Variants in SYT14 observed in about 807,000 individuals in gnomAD.
SYT14 encodes synaptotagmin 14, also known as synaptotagmin-14.
SYT14 carries 32 observed loss-of-function variants against 74.2 expected under a neutral mutation model. The ratio of observed to expected loss-of-function variants is 0.43; its 90% CI spans 0.33 to 0.58. The LOEUF is 0.58. SYT14 is among the 20% of genes least tolerant of loss of function. SYT14 has a pLI of 0.05. For missense variants in SYT14, 791 were observed against 981.8 expected, an observed-to-expected ratio of 0.81 and a Z score of 2.60; for synonymous variants, 298 against 337.7, an observed-to-expected ratio of 0.88 and a Z score of 1.29.
intron 5 of SYT14, among the ~76,000 whole-genome samples, chr1:210,079,059 A>G (rs140948859): frequency 4.6e-4 from 70 of 152,090 alleles, no homozygotes; most frequent in African/African-American, 1.5e-3. Context: ...AGCATGTATG[A>G]ATCCTTTAAA....
chr1:210,130,815 A>T (rs564932442), intron 7 of SYT14, among the ~76,000 whole-genome samples: 19 of 152,372 alleles, frequency 1.2e-4, no homozygotes, highest in African/African-American at 4.6e-4. Context: ...ATCATATGTA[A>T]TAACTCAGGT....
intron 7 of SYT14, among the ~76,000 whole-genome samples, chr1:210,120,890 A>G (rs1052595925): frequency 6.6e-6 from 1 of 152,226 alleles, no homozygotes; most frequent in African/African-American, 2.4e-5. Flanking sequence ...TTTTTATACC[A>G]GCTCATTTGT....
intron 7 of SYT14, among the ~76,000 whole-genome samples, chr1:210,120,885 A>T (rs1394676974): frequency 1.3e-5 from 2 of 152,224 alleles, no homozygotes; most frequent in Non-Finnish European, 2.9e-5. Flanking sequence ...AAAAATTTTT[A>T]TACCAGCTCA....
intron 5 of SYT14, among the ~76,000 whole-genome samples, chr1:210,026,290 A>G (rs905113066): frequency 3.3e-5 from 5 of 151,974 alleles, no homozygotes; most frequent in Non-Finnish European, 5.9e-5. Context: ...TGGTTCGTGG[A>G]TATCCCATTT....
At chr1:210,060,375 A>G (rs1478823038) in intron 5 of SYT14, among the ~76,000 whole-genome samples, 1 of 127,340 alleles carries the variant, frequency 7.9e-6, no homozygotes, top group East Asian at 2.3e-4. Context: ...ATAATATGTA[A>G]AGTTAACTTC....
intron 7 of SYT14, among the ~76,000 whole-genome samples, chr1:210,127,662 A>T (rs2082594120): frequency 6.6e-6 from 1 of 152,188 alleles, no homozygotes; most frequent in Non-Finnish European, 1.5e-5. Context: ...GGATGAATGT[A>T]CCTAAAATGA....
intron 5 of SYT14, among the ~76,000 whole-genome samples, chr1:210,052,664 C>T (rs1173036620): frequency 3.4e-5 from 1 of 29,152 alleles, no homozygotes; most frequent in African/African-American, 6.1e-4. Flanking sequence ...CTACATCTCA[C>T]CAAAAAAAAA....
At chr1:210,073,510 C>T (rs1182178195) in intron 5 of SYT14, among the ~76,000 whole-genome samples, 2 of 151,988 alleles carry the variant, frequency 1.3e-5, no homozygotes, top group Non-Finnish European at 2.9e-5. Context: ...AGTGAAACTT[C>T]CTTATTGTTT....
chr1:209,963,383 CT>C (rs2079106820), intron 2 of SYT14, among the ~76,000 whole-genome samples: 1 of 152,066 alleles, frequency 6.6e-6, no homozygotes, highest in Admixed American at 6.6e-5. Context: ...CTCCTAAGGT[CT>C]TTTCCATTGG....
intron 7 of SYT14, among the ~76,000 whole-genome samples, chr1:210,152,421 T>C (rs1482835735): frequency 6.6e-6 from 1 of 152,208 alleles, no homozygotes; most frequent in Non-Finnish European, 1.5e-5. Context: ...AGTGTCTTTT[T>C]TTTCTTTTCT....
chr1:210,120,071 T>C (rs1288514643), intron 7 of SYT14, among the ~76,000 whole-genome samples: 1 of 152,238 alleles, frequency 6.6e-6, no homozygotes, highest in African/African-American at 2.4e-5. Context: ...ATACCTTAGC[T>C]ATTTACCATG....
At chr1:210,166,253 T>G (rs1169174456) in exon 10 of SYT14, 5 of 152,206 alleles carry the variant, frequency 3.3e-5, no homozygotes, top group Admixed American at 6.5e-5. Flanking sequence ...AACTGTAGTA[T>G]CCTTAAGAAT....
chr1:209,997,453 T>C (rs2079818515), intron 2 of SYT14, among the ~76,000 whole-genome samples: 1 of 152,084 alleles, frequency 6.6e-6, no homozygotes, highest in African/African-American at 2.4e-5. Flanking sequence ...TAAAAAACAC[T>C]ACTGAAAGAA....
chr1:210,024,518 A>G (rs1322386837), intron 5 of SYT14, among the ~76,000 whole-genome samples: 1 of 152,146 alleles, frequency 6.6e-6, no homozygotes, highest in Non-Finnish European at 1.5e-5. Flanking sequence ...TGAAATCCAG[A>G]GAGGGACCTG....
intron 7 of SYT14, among the ~76,000 whole-genome samples, chr1:210,121,793 C>CAA (rs71146207): frequency 4.4e-4 from 41 of 92,572 alleles, no homozygotes; most frequent in African/African-American, 1.4e-3. Context: ...GACCCCATTT[C>CAA]AAAAAAAAAA....
intron 7 of SYT14, among the ~76,000 whole-genome samples, chr1:210,100,916 A>G (rs912934870): frequency 6.6e-6 from 1 of 152,168 alleles, no homozygotes; most frequent in African/African-American, 2.4e-5. Context: ...TCCCGACTGG[A>G]TATGTTTCCA....
At chr1:210,103,126 T>C (rs992762236) in intron 7 of SYT14, among the ~76,000 whole-genome samples, 9 of 151,842 alleles carry the variant, frequency 5.9e-5, no homozygotes, top group African/African-American at 1.9e-4. Flanking sequence ...AATAGGAAAA[T>C]AGAATTTTGC....
At chr1:209,938,268 G>C (rs774078982) in exon 1 of SYT14, 6 of 1,562,292 alleles carry the variant, frequency 3.8e-6, no homozygotes, top group Non-Finnish European at 5.2e-6. Flanking sequence ...GCGCATCATG[G>C]CGATTGAAGG....
At chr1:209,950,882 G>A (rs2078900381) in intron 1 of SYT14, among the ~76,000 whole-genome samples, 1 of 151,930 alleles carries the variant, frequency 6.6e-6, no homozygotes, top group South Asian at 2.1e-4. Context: ...ATAATTATAA[G>A]GTCATACATA....
Sources: allele counts gnomAD v4.1 joint callset (sites outside exome capture counted in the v4.1 genomes callset), GRCh38; gene constraint gnomAD v4.1.1; transcripts MANE v1.5; gene names NCBI Gene and HGNC (gene_info 2026-07-23, HGNC 2026-07-21).